The following GSDMD variants were observed in gnomAD, a reference collection of about 807,000 sequenced individuals.
The protein encoded by GSDMD is gasdermin-D.
GSDMD carries 46 observed loss-of-function variants against 46.7 expected under a neutral mutation model. The ratio of observed to expected loss-of-function variants is 0.99; its 90% CI spans 0.78 to 1.26. GSDMD has a LOEUF of 1.26. GSDMD is among the 50% of genes most tolerant of loss of function. The pLI is 0.00. For synonymous variants in GSDMD, 307 were observed against 283.1 expected, an observed-to-expected ratio of 1.08 and a Z score of -0.85; for missense variants, 649 against 638.8, an observed-to-expected ratio of 1.02 and a Z score of -0.17.
At chr8:143,560,530 G>A (rs531981616) in intron 3 of GSDMD, 73 bp from the exon 4 acceptor site, 51 of 1,456,174 alleles carry the variant, frequency 3.5e-5, no homozygotes, top group Admixed American at 4.5e-5. Context: ...CCCCGGTGGC[G>A]TGGGGCTGTC....
upstream of GSDMD, among the ~76,000 whole-genome samples, chr8:143,554,809 T>G (rs1423354748): frequency 7.9e-5 from 12 of 152,142 alleles, no homozygotes; most frequent in Non-Finnish European, 4.4e-5. Context: ...CACAAACGCG[T>G]TAGTCTCTTC....
upstream of GSDMD, chr8:143,558,208 C>G: frequency 1.0e-6 from 1 of 993,658 alleles, no homozygotes; most frequent in Non-Finnish European, 1.4e-6. Flanking sequence ...CAGGATGGGG[C>G]GCCAAGCCAA....
rs375102869 is a variant in GSDMD at position 143,561,911 on chromosome 8, C to T, written c.824-48C>T. 3.1e-6 allele frequency: 5 copies of T among 1,607,120 alleles called. No individual in the cohort carries two copies. In the African/African-American group the frequency reaches 4.0e-5, roughly 13 times the overall value. On this transcript the variant is annotated intron_variant, in intron 7 of 10. Coordinates refer to ENST00000262580, the MANE Select transcript of GSDMD (RefSeq NM_024736.7). ...TCTGCCTGTCCTGACCGAGGCTTTC[C>T]AGGGCCCTGTAAGCACCTGGGCAGT...
chr8:143,557,354 T>TTGGCGAAGGATGCTGCCGCTA (rs1563902669), upstream of GSDMD, among the ~76,000 whole-genome samples: 28 of 57,742 alleles, frequency 4.8e-4, no homozygotes, highest in Middle Eastern at 8.6e-3. Flanking sequence ...TGCTGCCGCT[T>TTGGCGAAGGATGCTGCCGCTA]TGGCGAAGGA....
intron 6 of GSDMD, 67 bp downstream of exon 6, chr8:143,561,490 C>T: frequency 6.8e-7 from 1 of 1,480,794 alleles, no homozygotes; most frequent in Non-Finnish European, 9.3e-7. Context: ...GCAGTTGAGG[C>T]CTTCTCCTCA....
chr8:143,560,183 C>G (rs549446342), intron 3 of GSDMD: 1 of 702,708 alleles, frequency 1.4e-6, no homozygotes, highest in Middle Eastern at 2.3e-4. Context: ...CCCAGCCTTG[C>G]TCTTGGGAAG....
chr8:143,554,769 CCACACAACAT>C (rs1823272449), upstream of GSDMD, among the ~76,000 whole-genome samples: 1 of 145,610 alleles, frequency 6.9e-6, no homozygotes, highest in South Asian at 2.2e-4. Context: ...CGCACAACAG[CCACACAACAT>C]GCACGTGCAT....
intron 5 of GSDMD, 24 bp downstream of exon 5, chr8:143,561,128 C>T (rs747181884): frequency 1.2e-5 from 19 of 1,599,332 alleles, no homozygotes; most frequent in East Asian, 2.2e-5. Context: ...GGGGGTGTCT[C>T]GGGCCCAGGC....
Position 143,561,823 on chromosome 8 carries a change from TGACAG to T in GSDMD, c.820_823+1del, listed in dbSNP as rs759406009. ...ATGATGAGGTGCCTCCACAACTTCC[TGACAG>T]GTCAGTGCCCTCCTGACCGCCCCGG... On this transcript the variant is annotated frameshift_variant and splice_region_variant, in exon 7 of 11. Transcript: ENST00000262580. LOFTEE classifies it high-confidence loss of function. The T allele has an allele frequency of 4.3e-6, 7 of 1,610,880 alleles. No homozygotes were observed. Among genetic ancestry groups the T allele is most frequent in the African/African-American group, 2.7e-5 (2 of 74,868 alleles).
upstream of GSDMD, among the ~76,000 whole-genome samples, chr8:143,557,337 T>C (rs62523579): frequency 0.55 from 32,256 of 58,366 alleles, 8,251 homozygotes; most frequent in Middle Eastern, 0.64. Flanking sequence ...GCCGCTATGG[T>C]GAAGGATGCT....
upstream of GSDMD, among the ~76,000 whole-genome samples, chr8:143,554,645 AAC>A (rs903319853): frequency 1.7e-4 from 25 of 149,336 alleles, no homozygotes; most frequent in East Asian, 1.2e-3. Context: ...GCAAACGCAC[AAC>A]ACACACGTGC....
intron 1 of GSDMD, chr8:143,558,883 G>A (rs1823377925): frequency 1.9e-6 from 1 of 532,830 alleles, no homozygotes; most frequent in South Asian, 1.5e-5. Flanking sequence ...GGAGCTCCAG[G>A]CACAGAGAAG....
chr8:143,555,424 A>G (rs1823282985), upstream of GSDMD, among the ~76,000 whole-genome samples: 1 of 152,196 alleles, frequency 6.6e-6, no homozygotes, highest in African/African-American at 2.4e-5. Flanking sequence ...GGGCTGCAGG[A>G]TCTGGGTGAG....
chr8:143,554,671 CA>C (rs1823270411), upstream of GSDMD, among the ~76,000 whole-genome samples: 2 of 151,576 alleles, frequency 1.3e-5, no homozygotes, highest in African/African-American at 4.9e-5. Context: ...CACACGTGCA[CA>C]AACACGCTCA....
upstream of GSDMD, chr8:143,558,234 G>C: frequency 7.7e-7 from 1 of 1,295,276 alleles, no homozygotes; most frequent in Non-Finnish European, 1.0e-6. Context: ...CTCCGGACGC[G>C]CGAGGCTGGT....
rs757718802 is a variant in GSDMD, at chr8:143,562,500, C to T, written c.1191C>T (p.Thr397=). The T allele has an allele frequency of 6.2e-7, 1 of 1,607,976 alleles. No homozygotes were observed. Among genetic ancestry groups the T allele is most frequent in the Non-Finnish European group, 8.5e-7 (1 of 1,179,582 alleles). ...KLLAEALESQ[T]LLGPLELVGS... ...TGGCGGAGGCGCTGGAGTCGCAGACCCTGTTGGGGCCGCTCGAGCTGGTGA... is the reference window on the plus strand; with the variant it reads ...TGGCGGAGGCGCTGGAGTCGCAGACTCTGTTGGGGCCGCTCGAGCTGGTGA... The change falls in exon 10 of 11, where the codon ACC becomes ACT. Residue 397 remains threonine, a synonymous_variant. Coordinates refer to ENST00000262580, the MANE Select transcript of GSDMD (RefSeq NM_024736.7).
At chr8:143,557,193 C>T (rs72691465), upstream of GSDMD, among the ~76,000 whole-genome samples, 3,087 of 152,386 alleles carry the variant, frequency 0.02, 47 homozygotes, top group Non-Finnish European at 0.031. Flanking sequence ...TCCTTTTGAC[C>T]GTGGGCGCCG....
chr8:143,562,361 G>A lies in GSDMD; in HGVS notation c.1138+11G>A, dbSNP rs758574507. 2.3e-5 allele frequency: 35 copies of A among 1,545,124 alleles called. No individual in the cohort carries two copies. Among genetic ancestry groups the A allele is most frequent in the East Asian group, 2.4e-5 (1 of 41,136 alleles). ...TGGGGGCACTGACCAGTGAGCGGCCGCTGGGGGCAGGTGGCGGGTGGGAGG... is the reference window on the plus strand; with the variant it reads ...TGGGGGCACTGACCAGTGAGCGGCCACTGGGGGCAGGTGGCGGGTGGGAGG... On this transcript the variant is annotated intron_variant, in intron 9 of 10. Coordinates refer to ENST00000262580, the MANE Select transcript of GSDMD (RefSeq NM_024736.7).
chr8:143,562,486 C>A lies in GSDMD; in HGVS notation c.1177C>A (p.Leu393Met). The change falls in exon 10 of 11, where the codon CTG (leucine) becomes ATG (methionine). Residue 393 changes from leucine (L) to methionine (M), a missense_variant. By Grantham distance (15) the Leu-to-Met change is conservative. Coordinates refer to ENST00000262580, the MANE Select transcript of GSDMD (RefSeq NM_024736.7). ...GCAGCACAAGCTGCTGGCGGAGGCG[C>A]TGGAGTCGCAGACCCTGTTGGGGCC... The part of the protein sequence containing the change: ...ETQHKLLAEA[L>M]ESQTLLGPLE... The A allele has an allele frequency of 6.2e-7, 1 of 1,608,878 alleles. No homozygotes were observed.
Sources: gnomAD v4.1 joint callset for allele counts (sites outside exome capture counted in the v4.1 genomes callset) on GRCh38, gnomAD v4.1.1 for gene constraint, MANE v1.5 for transcripts, NCBI Gene and HGNC (gene_info 2026-07-23, HGNC 2026-07-21) for gene names.